The following AEBP2 variants were observed in gnomAD, a reference collection of about 807,000 sequenced individuals.
AEBP2 encodes the protein AE binding protein 2, also known as zinc finger protein AEBP2.
AEBP2 carries 10 observed loss-of-function variants against 50.8 expected under a neutral mutation model. That is an observed-to-expected ratio of 0.20 (90% CI 0.12 to 0.33). The LOEUF is 0.33. Among genes scored for constraint, AEBP2 ranks in the 10% least tolerant of loss-of-function variants. The pLI, the probability that AEBP2 is intolerant of heterozygous loss-of-function variation, is 1.00. For synonymous variants in AEBP2, 296 were observed against 261.3 expected (o/e 1.13, Z -1.28); for missense variants, 570 against 688.0 (o/e 0.83, Z 1.92).
intron 1 of AEBP2, chr12:19,457,625 G>A: frequency 3.5e-6 from 5 of 1,441,138 alleles, no homozygotes; most frequent in Non-Finnish European, 4.6e-6. Context: ...CGACAATGTG[G>A]ATATGAGTCT....
At chr12:19,431,598 G>A (rs771875400) in intron 1 of AEBP2, among the ~76,000 whole-genome samples, 3 of 152,120 alleles carry the variant, frequency 2.0e-5, no homozygotes, top group African/African-American at 4.8e-5. Flanking sequence ...TATGGTGGAC[G>A]GGTGTCAGCC....
Position 19,406,439 on chromosome 12 carries a change from G to C in AEBP2, c.-17+2223G>C, listed in dbSNP as rs138834825. ...TCAGATAAATAGACGCACACTTTGG[G>C]AGGCCCAGGTGGGTGGATTACCTGA... On this transcript the variant is annotated intron_variant, in intron 1 of 3. Coordinates refer to the AEBP2 transcript ENST00000538425. 1.1e-3 allele frequency among the ~76,000 whole-genome samples: 161 copies of C among 152,154 alleles called. 3 individuals are homozygous for C. In the East Asian group the frequency reaches 0.03, roughly 28 times the overall value.
At chr12:19,465,799 T>A (rs1372058691) in intron 2 of AEBP2, among the ~76,000 whole-genome samples, 1 of 149,664 alleles carries the variant, frequency 6.7e-6, no homozygotes, top group African/African-American at 2.5e-5. Context: ...TTCTTTTTTT[T>A]TTTTTTTTTT....
chr12:19,519,138 A>C lies in AEBP2; in HGVS notation c.*1021A>C, dbSNP rs1326108507. 6.5e-6 allele frequency: 1 copy of C among 152,860 alleles called. No individual in the cohort carries two copies. The highest frequency in any genetic ancestry group is 2.4e-5 in the African/African-American group (1 of 41,446). The allele number at this position is 152,860 out of a possible 1,614,324, so 9.5% of individuals were successfully genotyped here. A position where few individuals can be genotyped will look rare whatever the true frequency, so the allele number is the denominator to read the frequency against. Reference sequence around the variant, plus strand: ...GATTTTTTTTAACTTACAGAAATGGAAATATGTGTAACTTGTTAGTATTGT... The same window carrying C: ...GATTTTTTTTAACTTACAGAAATGGCAATATGTGTAACTTGTTAGTATTGT... On this transcript the variant is annotated 3_prime_UTR_variant, in exon 8 of 8. Coordinates refer to ENST00000266508, the MANE Select transcript of AEBP2 (RefSeq NM_153207.5).
At chr12:19,457,316 A>G (rs1948286268) in intron 1 of AEBP2, 2 of 1,517,024 alleles carry the variant, frequency 1.3e-6, no homozygotes, top group Non-Finnish European at 1.8e-6. Context: ...TCAGCCTGAG[A>G]TGTCCCTGTA....
At chr12:19,499,268 A>G (rs1339831631) in intron 4 of AEBP2, among the ~76,000 whole-genome samples, 1 of 152,196 alleles carries the variant, frequency 6.6e-6, no homozygotes, top group East Asian at 1.9e-4. Flanking sequence ...TTGTAATTTT[A>G]TTAGATCATT....
At chr12:19,496,489 G>T (rs969415083) in intron 4 of AEBP2, among the ~76,000 whole-genome samples, 1 of 152,090 alleles carries the variant, frequency 6.6e-6, no homozygotes, top group Non-Finnish European at 1.5e-5. Context: ...AACAGCTGCT[G>T]CATTTCACTC....
chr12:19,425,360 G>A (rs2153364787), intron 1 of AEBP2, among the ~76,000 whole-genome samples: 1 of 152,294 alleles, frequency 6.6e-6, no homozygotes, highest in Non-Finnish European at 1.5e-5. Flanking sequence ...TATTGGTGAA[G>A]CTAGTGATTT....
Position 19,439,632 on chromosome 12 carries a change from A to T in AEBP2, c.-68A>T. On this transcript the variant is annotated 5_prime_UTR_variant, in exon 1 of 8. Coordinates refer to ENST00000266508, the MANE Select transcript of AEBP2 (RefSeq NM_153207.5). ...GTTTTGGGCGTTTGGGAGGGGGGCG[A>T]GGGAGAGAGAGTCGAGAGAGGGAGG... 6.7e-7 allele frequency: 1 copy of T among 1,481,578 alleles called. No individual in the cohort carries two copies. Among genetic ancestry groups the T allele is most frequent in the South Asian group, 1.3e-5 (1 of 78,092 alleles). The allele number at this position is 1,481,578 out of a possible 1,614,324, so 91.8% of individuals were successfully genotyped here.
At chr12:19,471,806 C>G (rs1457104560) in intron 2 of AEBP2, among the ~76,000 whole-genome samples, 9 of 152,076 alleles carry the variant, frequency 5.9e-5, no homozygotes, top group East Asian at 5.8e-4. Context: ...GCTGGAATTG[C>G]TGGTGTGAGC....
At position 19,439,646 on chromosome 12, in the gene AEBP2, G is replaced by C. The variant is rs1250142117; in HGVS notation, c.-54G>C. ...GGAGGGGGGCGAGGGAGAGAGAGTC[G>C]AGAGAGGGAGGCGGCGGTGGGGAGG... On this transcript the variant is annotated 5_prime_UTR_variant, in exon 1 of 8. Transcript: ENST00000266508. 1.3e-6 allele frequency: 2 copies of C among 1,499,544 alleles called. No individual in the cohort carries two copies. Among genetic ancestry groups the C allele is most frequent in the Non-Finnish European group, 1.8e-6 (2 of 1,130,834 alleles). 92.9% of individuals were successfully genotyped at this position (1,499,544 alleles called of 1,614,324 possible).
intron 2 of AEBP2, among the ~76,000 whole-genome samples, chr12:19,465,507 A>G (rs1948457086): frequency 6.6e-6 from 1 of 152,242 alleles, no homozygotes; most frequent in African/African-American, 2.4e-5. Flanking sequence ...CAAATAATGT[A>G]GGAAATGCAT....
At position 19,490,138 on chromosome 12, in the gene AEBP2, A is replaced by G. The variant is rs147650833; in HGVS notation, c.988-3662A>G. 1.4e-3 allele frequency among the ~76,000 whole-genome samples: 215 copies of G among 151,432 alleles called. 9 individuals are homozygous for G. The East Asian group carries it at 0.038, about 27-fold the overall frequency. On this transcript the variant is annotated intron_variant, in intron 3 of 7. Transcript: ENST00000266508. ...TTGGAATTGTGCGTGCACTTGGACTAAAATAAACTCTTGATGGTAACATTA... is the reference window on the plus strand; with the variant it reads ...TTGGAATTGTGCGTGCACTTGGACTGAAATAAACTCTTGATGGTAACATTA...
rs34011915 is a variant in AEBP2 at position 19,497,328 on chromosome 12, G to GTTTTTTTTTTT, written c.1175-2755_1175-2745dup. Among the ~76,000 whole-genome samples the GTTTTTTTTTTT allele has an allele frequency of 3.9e-4, 31 of 78,716 alleles. 2 individuals carry two copies. Among genetic ancestry groups the GTTTTTTTTTTT allele is most frequent in the East Asian group, 8.7e-4 (2 of 2,304 alleles). 51.6% of individuals were successfully genotyped at this position (78,716 alleles called of 152,430 possible). ...TTCTATTTTTGTGGTTTCCAAAGGTGTTTTTTTTTTTTTTTTTTTTTTTTG... is the reference window on the plus strand; with the variant it reads ...TTCTATTTTTGTGGTTTCCAAAGGTGTTTTTTTTTTTTTTTTTTTTTTTTTTTTTTTTTTTG... On this transcript the variant is annotated intron_variant, in intron 4 of 7. Transcript: ENST00000266508.
intron 1 of AEBP2, among the ~76,000 whole-genome samples, chr12:19,421,759 T>C (rs2095745930): frequency 6.6e-6 from 1 of 152,160 alleles, no homozygotes; most frequent in Non-Finnish European, 1.5e-5. Context: ...TGTTTGATGG[T>C]GGGGAGGCTA....
intron 1 of AEBP2, among the ~76,000 whole-genome samples, chr12:19,429,558 C>G (rs891948178): frequency 3.3e-5 from 5 of 152,220 alleles, no homozygotes; most frequent in African/African-American, 1.2e-4. Context: ...GCCACACTGA[C>G]TTCCACAATG....
chr12:19,465,745 T>G (rs114184259), intron 2 of AEBP2, among the ~76,000 whole-genome samples: 117 of 151,904 alleles, frequency 7.7e-4, no homozygotes, highest in African/African-American at 2.6e-3. Context: ...ACAAGAAAAC[T>G]TGATCTGATT....
At chr12:19,505,930 G>C (rs10841248) in intron 5 of AEBP2, among the ~76,000 whole-genome samples, 114,468 of 151,754 alleles carry the variant, frequency 0.75, 43,647 homozygotes, top group African/African-American at 0.87. Context: ...AGCACACCAC[G>C]ATGCCTGGCT....
chr12:19,408,417 T>C (rs2095737478), intron 1 of AEBP2, among the ~76,000 whole-genome samples: 1 of 151,586 alleles, frequency 6.6e-6, no homozygotes, highest in Admixed American at 6.6e-5. Context: ...AAAAATTAGC[T>C]GAGCATGGTG....
Sources: gnomAD v4.1 joint callset for allele counts (sites outside exome capture counted in the v4.1 genomes callset) on GRCh38, gnomAD v4.1.1 for gene constraint, MANE v1.5 for transcripts, NCBI Gene and HGNC (gene_info 2026-07-23, HGNC 2026-07-21) for gene names.